LLPH: variants seen among roughly 807,000 people sequenced by gnomAD.
LLPH encodes protein LLP homolog.
In LLPH, 5 loss-of-function variants were observed where a neutral mutation model predicts 13.3. The observed-to-expected ratio is 0.38, with a 90% CI of 0.20 to 0.79. The LOEUF (loss-of-function observed/expected upper bound fraction) is 0.79. Among genes scored for constraint, LLPH ranks in the 30% least tolerant of loss-of-function variants. LLPH has a pLI of 0.45. For synonymous variants in LLPH, 32 were observed against 44.2 expected (o/e 0.72, Z 1.09); for missense variants, 129 against 152.1 (o/e 0.85, Z 0.80).
rs775698091 is a variant in LLPH, at chr12:66,119,585, G to T, written c.*4255C>A. The T allele has an allele frequency of 1.7e-4, 26 of 152,218 alleles. No individual in the cohort carries two copies. The highest frequency in any genetic ancestry group is 3.1e-4 in the Non-Finnish European group (21 of 68,032). The allele number at this position is 152,218 out of a possible 1,614,324, so 9.4% of individuals were successfully genotyped here. On this transcript the variant is annotated 3_prime_UTR_variant, in exon 3 of 3. Coordinates refer to ENST00000266604, the MANE Select transcript of LLPH (RefSeq NM_032338.4). ...ACATGCAGGCAAATAGAGGGAAAAAGACATATATTTTGTGTTTAGCACAAA... is the reference window on the plus strand; with the variant it reads ...ACATGCAGGCAAATAGAGGGAAAAATACATATATTTTGTGTTTAGCACAAA...
In LLPH at chr12:66,122,854, T is replaced by G. The variant is rs988522298; in HGVS notation, c.*986A>C. 5.3e-5 allele frequency: 8 copies of G among 152,186 alleles called. No homozygotes were observed. Among genetic ancestry groups the G allele is most frequent in the Admixed American group, 2.6e-4 (4 of 15,280 alleles). 9.4% of individuals were successfully genotyped at this position (152,186 alleles called of 1,614,324 possible). A position where few individuals can be genotyped will look rare whatever the true frequency, so the allele number is the denominator to read the frequency against. On this transcript the variant is annotated 3_prime_UTR_variant, in exon 3 of 3. Transcript: ENST00000266604. ...CACTCCGGGGAATGCTGCATGATAC[T>G]ATATTAGGCCACACAATATTAACAC...
At chr12:66,125,902 A>G (rs1249040115) in intron 2 of LLPH, among the ~76,000 whole-genome samples, 1 of 152,248 alleles carries the variant, frequency 6.6e-6, no homozygotes, top group Non-Finnish European at 1.5e-5. Flanking sequence ...CAGATAATAC[A>G]TACCATAAAT....
At position 66,129,171 on chromosome 12, in the gene LLPH, G is replaced by A. The variant is rs1014237903; in HGVS notation, c.-7-58C>T. 25 of 1,196,054 alleles carry A rather than the reference G, an allele frequency of 2.1e-5. 1 individual carries two copies. Among genetic ancestry groups the A allele is most frequent in the East Asian group, 1.2e-4 (5 of 42,748 alleles). The allele number at this position is 1,196,054 out of a possible 1,614,324, so 74.1% of individuals were successfully genotyped here. On this transcript the variant is annotated intron_variant, in intron 1 of 2. Coordinates refer to ENST00000266604, the MANE Select transcript of LLPH (RefSeq NM_032338.4). ...AATCTTTAATATAAAAAAGAAAACA[G>A]GCAAATCCTTAGAAAACCAGGCCAA...
intron 2 of LLPH, among the ~76,000 whole-genome samples, chr12:66,126,928 CAAA>C: frequency 7.9e-6 from 1 of 126,228 alleles, no homozygotes; most frequent in African/African-American, 2.9e-5. Flanking sequence ...GACTCCATCT[CAAA>C]AAAAAAAAAC....
At chr12:66,125,234 C>T (rs1250436501) in intron 2 of LLPH, among the ~76,000 whole-genome samples, 3 of 152,134 alleles carry the variant, frequency 2.0e-5, no homozygotes, top group African/African-American at 7.2e-5. Context: ...AGTAAAAAGG[C>T]TCCTATAATA....
chr12:66,121,445 GC>G lies in LLPH; in HGVS notation c.*2394del. 6.6e-6 allele frequency: 1 copy of G among 151,922 alleles called. No homozygotes were observed. Among genetic ancestry groups the G allele is most frequent in the Middle Eastern group, 3.3e-3 (1 of 300 alleles). The allele number at this position is 151,922 out of a possible 1,614,324, so 9.4% of individuals were successfully genotyped here. ...TTACAGGCACCTGCCACCATGCCCA[GC>G]TAACTTTGTATTTTTAGTAGAGACA... On this transcript the variant is annotated 3_prime_UTR_variant, in exon 3 of 3. Coordinates refer to ENST00000266604, the MANE Select transcript of LLPH (RefSeq NM_032338.4).
rs2051437867 is a variant in LLPH, at chr12:66,117,714, T to C, written c.*6126A>G. Reference sequence around the variant, plus strand: ...GCTCTCATAGGAGATGGCAACTCCATGCCTGTTATTGCCCCTGAAGGCCTT... The same window carrying C: ...GCTCTCATAGGAGATGGCAACTCCACGCCTGTTATTGCCCCTGAAGGCCTT... On this transcript the variant is annotated 3_prime_UTR_variant, in exon 3 of 3. Transcript: ENST00000266604. The C allele has an allele frequency of 6.6e-6, 1 of 152,256 alleles. No individual in the cohort carries two copies. The highest frequency in any genetic ancestry group is 1.5e-5 in the Non-Finnish European group (1 of 68,048). 9.4% of individuals were successfully genotyped at this position (152,256 alleles called of 1,614,324 possible).
chr12:66,125,023 C>T (rs879896410), intron 2 of LLPH, among the ~76,000 whole-genome samples: 1 of 152,108 alleles, frequency 6.6e-6, no homozygotes, highest in Non-Finnish European at 1.5e-5. Flanking sequence ...CGCCTGTGAA[C>T]AGCCACTATA....
Position 66,123,896 on chromosome 12 carries a change from T to C in LLPH, c.334A>G (p.Arg112Gly), listed in dbSNP as rs2051479901. Reference protein sequence around the residue: ...RKRLKAKREKRKGKSKAKAVK... With the variant: ...RKRLKAKREKGKGKSKAKAVK... ...GCTTTTGCTTTGCTTTTCCCCTTTC[T>C]TTTCTCTCGCTTTGCCTTCAGCCTT... Residue 112 changes from arginine (R) to glycine (G), a missense_variant, in exon 3 of 3, where the codon AGA (arginine) becomes GGA (glycine). Arg to Gly is a moderately radical substitution (Grantham distance 125, BLOSUM62 -2). Coordinates refer to ENST00000266604, the MANE Select transcript of LLPH (RefSeq NM_032338.4). 6.2e-7 allele frequency: 1 copy of C among 1,612,394 alleles called. No individual in the cohort carries two copies. Among genetic ancestry groups the C allele is most frequent in the East Asian group, 2.2e-5 (1 of 44,888 alleles).
At chr12:66,125,170 A>T (rs190579366) in intron 2 of LLPH, among the ~76,000 whole-genome samples, 1 of 152,354 alleles carries the variant, frequency 6.6e-6, no homozygotes, top group East Asian at 1.9e-4. Flanking sequence ...TGAAAAGATC[A>T]CACTGGTGGA....
rs1398782542 is a variant in LLPH at position 66,121,464 on chromosome 12, TAG to T, written c.*2374_*2375del. On this transcript the variant is annotated 3_prime_UTR_variant, in exon 3 of 3. Transcript: ENST00000266604. ...TGCCCAGCTAACTTTGTATTTTTAGTAGAGACAGGGTTTCACCATGTTGGTCA... is the reference window on the plus strand; with the variant it reads ...TGCCCAGCTAACTTTGTATTTTTAGTAGACAGGGTTTCACCATGTTGGTCA... 6.6e-6 allele frequency: 1 copy of T among 151,782 alleles called. No individual in the cohort carries two copies. The highest frequency in any genetic ancestry group is 1.5e-5 in the Non-Finnish European group (1 of 68,012). The allele number at this position is 151,782 out of a possible 1,614,324, so 9.4% of individuals were successfully genotyped here. A position where few individuals can be genotyped will look rare whatever the true frequency, so the allele number is the denominator to read the frequency against.
chr12:66,128,758 T>A (rs2051513022), intron 2 of LLPH, 138 bp downstream of exon 2: 1 of 643,114 alleles, frequency 1.6e-6, no homozygotes, highest in Non-Finnish European at 2.7e-6. Context: ...GTGGGAAGAA[T>A]CCGCTTCAGC....
chr12:66,124,850 C>T (rs148170223), intron 2 of LLPH, among the ~76,000 whole-genome samples: 23 of 152,262 alleles, frequency 1.5e-4, no homozygotes, highest in Admixed American at 2.6e-4. Context: ...CTAGCCCTCA[C>T]GGAGTTTACA....
chr12:66,120,342 A>C lies in LLPH; in HGVS notation c.*3498T>G, dbSNP rs2051455246. ...AAGAGTTTGCACATCCTTGAGAGGC[A>C]GAATGGCATTGTAAGAGTATAGGCT... On this transcript the variant is annotated 3_prime_UTR_variant, in exon 3 of 3. Transcript: ENST00000266604. The C allele has an allele frequency of 6.6e-6, 1 of 152,234 alleles. No individual in the cohort carries two copies. Among genetic ancestry groups the C allele is most frequent in the Admixed American group, 6.5e-5 (1 of 15,282 alleles). The allele number at this position is 152,234 out of a possible 1,614,324, so 9.4% of individuals were successfully genotyped here.
Position 66,129,115 on chromosome 12 carries a change from T to C in LLPH, c.-7-2A>G, listed in dbSNP as rs751916666. ...CGTAAGCTTTTAGCCATGTTTTACC[T>C]GAAGTTAACAAAAACACACATTCAA... On this transcript the variant is annotated splice_acceptor_variant, in intron 1 of 2. Coordinates refer to ENST00000266604, the MANE Select transcript of LLPH (RefSeq NM_032338.4). LOFTEE classifies it low-confidence loss of function (5UTR_SPLICE). 17 of 1,584,562 alleles carry C rather than the reference T, an allele frequency of 1.1e-5. No homozygotes were observed. The South Asian group carries it at 1.7e-4, about 16-fold the overall frequency.
At chr12:66,128,848 CAAAAAA>C (rs71096072) in intron 2 of LLPH, 42 bp downstream of exon 2, 794 of 995,292 alleles carry the variant, frequency 8.0e-4, no homozygotes, top group Middle Eastern at 9.8e-4. Flanking sequence ...GACCCTGCCT[CAAAAAA>C]AAAAAAAAAA....
At chr12:66,126,623 G>A (rs554517952) in intron 2 of LLPH, among the ~76,000 whole-genome samples, 1 of 151,902 alleles carries the variant, frequency 6.6e-6, no homozygotes, top group Non-Finnish European at 1.5e-5. Context: ...AATACAAATG[G>A]TCAATCAGCA....
rs762937222 is a variant in LLPH at position 66,128,960 on chromosome 12, A to T, written c.147T>A (p.Thr49=). The T allele has an allele frequency of 3.7e-6, 6 of 1,613,612 alleles. No homozygotes were observed. The Admixed American group carries it at 5.0e-5, about 13-fold the overall frequency. Residue 49 remains threonine (T), a synonymous_variant, in exon 2 of 3, where the codon ACT becomes ACA. Coordinates refer to ENST00000266604, the MANE Select transcript of LLPH (RefSeq NM_032338.4). The part of the protein sequence containing the change: ...VLMKDVQEIA[T]VVVPKPKHCQ... Reference sequence around the variant, plus strand: ...AATGTTTGGGTTTGGGTACCACCACAGTTGCTATCTCTTGAACATCTTTCA... The same window carrying T: ...AATGTTTGGGTTTGGGTACCACCACTGTTGCTATCTCTTGAACATCTTTCA...
chr12:66,117,920 T>C lies in LLPH; in HGVS notation c.*5920A>G, dbSNP rs569335448. 5 of 152,362 alleles carry C rather than the reference T, an allele frequency of 3.3e-5. No individual in the cohort carries two copies. Among genetic ancestry groups the C allele is most frequent in the South Asian group, 4.1e-4 (2 of 4,830 alleles). The allele number at this position is 152,362 out of a possible 1,614,324, so 9.4% of individuals were successfully genotyped here. On this transcript the variant is annotated 3_prime_UTR_variant, in exon 3 of 3. Transcript: ENST00000266604. ...TGTGTACAGTTGTACAATGTATTTG[T>C]GTTTTAAGGTAAGTGTTATGATAAA... is the stretch of plus-strand genomic sequence containing the variant.
Sources: allele counts gnomAD v4.1 joint callset (sites outside exome capture counted in the v4.1 genomes callset), GRCh38; gene constraint gnomAD v4.1.1; transcripts MANE v1.5; gene names NCBI Gene and HGNC (gene_info 2026-07-23, HGNC 2026-07-21).